Variants in DZIP1 observed in about 807,000 individuals in gnomAD.
DZIP1 encodes the protein cilium assembly protein DZIP1.
In DZIP1, 97 loss-of-function variants were observed where a neutral mutation model predicts 107.6. That is an observed-to-expected ratio of 0.90 (90% CI 0.77 to 1.07). The LOEUF is 1.07. Ranked by LOEUF, DZIP1 falls within the 50% of genes least tolerant of loss-of-function variation. DZIP1 has a pLI of 0.00. For missense variants in DZIP1, 1,035 were observed against 1,063.6 expected (o/e 0.97, Z 0.37); for synonymous variants, 390 against 386.4 (o/e 1.01, Z -0.11).
chr13:95,599,769 G>A (rs556197466), intron 14 of DZIP1, among the ~76,000 whole-genome samples: 55 of 152,184 alleles, frequency 3.6e-4, no homozygotes, highest in Non-Finnish European at 6.8e-4. Flanking sequence ...TTTCAATCAA[G>A]TGGCTAAACA....
At position 95,580,092 on chromosome 13, in the gene DZIP1, T is replaced by C. The variant is rs2043992724; in HGVS notation, c.*2142A>G. 6.6e-6 allele frequency: 1 copy of C among 152,044 alleles called. No individual in the cohort carries two copies. The highest frequency in any genetic ancestry group is 6.5e-5 in the Admixed American group (1 of 15,276). 9.4% of individuals were successfully genotyped at this position (152,044 alleles called of 1,614,324 possible). A position where few individuals can be genotyped will look rare whatever the true frequency, so the allele number is the denominator to read the frequency against. ...GGCTCACGCCTATAATCCCAGCACTTTGGGAGGACAAGACAGCGGATCATT... is the reference window on the plus strand; with the variant it reads ...GGCTCACGCCTATAATCCCAGCACTCTGGGAGGACAAGACAGCGGATCATT... On this transcript the variant is annotated 3_prime_UTR_variant, in exon 23 of 23. Transcript: ENST00000376829.
chr13:95,624,663 C>T (rs1208026804), intron 8 of DZIP1, 105 bp downstream of exon 8: 10 of 998,034 alleles, frequency 1.0e-5, no homozygotes, highest in Admixed American at 2.4e-5. Flanking sequence ...AATGTCTGCA[C>T]GAGGGTAACA....
intron 15 of DZIP1, among the ~76,000 whole-genome samples, chr13:95,598,526 TAATA>T (rs904108663): frequency 2.0e-5 from 3 of 152,164 alleles, no homozygotes; most frequent in African/African-American, 7.2e-5. Context: ...GGAAGAGTTA[TAATA>T]AATACTGAAT....
chr13:95,604,126 T>C (rs1408948764), intron 14 of DZIP1, among the ~76,000 whole-genome samples: 3 of 152,180 alleles, frequency 2.0e-5, no homozygotes. Flanking sequence ...CGCCCAACCC[T>C]GCTTCTCTCA....
At chr13:95,631,121 A>G (rs1221645426) in intron 6 of DZIP1, among the ~76,000 whole-genome samples, 8 of 152,166 alleles carry the variant, frequency 5.3e-5, no homozygotes, top group Admixed American at 5.2e-4. Context: ...GGTACTGAGT[A>G]TATAAGCCAA....
intron 19 of DZIP1, among the ~76,000 whole-genome samples, chr13:95,588,325 T>C (rs550819588): frequency 1.3e-5 from 2 of 152,366 alleles, no homozygotes; most frequent in East Asian, 3.9e-4. Context: ...TGAGATTACG[T>C]ATAAGAAAAG....
chr13:95,590,146 C>T (rs1313437456), intron 17 of DZIP1, 133 bp downstream of exon 17: 3 of 1,065,732 alleles, frequency 2.8e-6, no homozygotes, highest in Non-Finnish European at 4.0e-6. Context: ...AAAGAGTTGC[C>T]AGTGAAGTGG....
chr13:95,596,753 A>G (rs1207247596), intron 15 of DZIP1, among the ~76,000 whole-genome samples: 1 of 152,252 alleles, frequency 6.6e-6, no homozygotes, highest in Admixed American at 6.5e-5. Context: ...GCCTTTGCTC[A>G]AAAAGCAGGT....
At chr13:95,611,539 G>A (rs2045005760) in intron 11 of DZIP1, 46 bp from the exon 12 acceptor site, 2 of 1,416,110 alleles carry the variant, frequency 1.4e-6, no homozygotes, top group Admixed American at 1.7e-5. Context: ...AAATTAGATA[G>A]GGACACACAC....
chr13:95,622,556 A>T, intron 8 of DZIP1, 76 bp from the exon 9 acceptor site: 3 of 1,565,042 alleles, frequency 1.9e-6, no homozygotes, highest in Non-Finnish European at 2.6e-6. Context: ...ATCAGGGAGC[A>T]CATAGCTGTG....
chr13:95,633,043 AG>A (rs1566427568), intron 6 of DZIP1, among the ~76,000 whole-genome samples, 190 bp downstream of exon 6: 1 of 152,166 alleles, frequency 6.6e-6, no homozygotes, highest in South Asian at 2.1e-4. Context: ...TTCTCCGTTC[AG>A]CTTGTGGCTG....
At chr13:95,617,206 C>A (rs1285514861) in intron 10 of DZIP1, among the ~76,000 whole-genome samples, 2 of 146,712 alleles carry the variant, frequency 1.4e-5, no homozygotes, top group Middle Eastern at 3.4e-3. Flanking sequence ...TGTCTCACCC[C>A]AAAAAAAAAA....
At chr13:95,622,539 G>T in intron 8 of DZIP1, 59 bp from the exon 9 acceptor site, 1 of 1,598,330 alleles carries the variant, frequency 6.3e-7, no homozygotes, top group Non-Finnish European at 8.6e-7. Flanking sequence ...TGGAAACAGA[G>T]AATAAAATCA....
intron 5 of DZIP1, among the ~76,000 whole-genome samples, chr13:95,635,703 C>T (rs2139423587): frequency 6.6e-6 from 1 of 152,248 alleles, no homozygotes; most frequent in Non-Finnish European, 1.5e-5. Flanking sequence ...CTCTCCCCAC[C>T]CCACCCCAGA....
intron 12 of DZIP1, among the ~76,000 whole-genome samples, chr13:95,610,892 C>A (rs2044980193): frequency 6.6e-6 from 1 of 152,194 alleles, no homozygotes; most frequent in African/African-American, 2.4e-5. Flanking sequence ...TGATGCCTTG[C>A]ACCATAGGTT....
At chr13:95,618,518 T>C (rs1388197408) in intron 10 of DZIP1, among the ~76,000 whole-genome samples, 2 of 152,262 alleles carry the variant, frequency 1.3e-5, no homozygotes, top group East Asian at 3.8e-4. Flanking sequence ...TAAAGGTAGA[T>C]TAATATCTAA....
chr13:95,617,784 G>A (rs1875312462), intron 10 of DZIP1, among the ~76,000 whole-genome samples: 1 of 152,110 alleles, frequency 6.6e-6, no homozygotes, highest in Non-Finnish European at 1.5e-5. Context: ...GGAAGGGGAA[G>A]GCTGGAATTG....
rs1170377368 is a variant in DZIP1 at position 95,584,528 on chromosome 13, AG to A, written c.2524+207del. On this transcript the variant is annotated intron_variant, in intron 22 of 22. Transcript: ENST00000376829. The stretch of plus-strand genomic sequence containing the variant: ...ATTAAAAATTTAAAGACTAAAGATT[AG>A]TCCTATAATTAAATAAAAATAACAA... 9 of 961,100 alleles carry A rather than the reference AG, an allele frequency of 9.4e-6. No homozygotes were observed. In the African/African-American group the frequency reaches 1.5e-4, roughly 16 times the overall value. The allele number at this position is 961,100 out of a possible 1,614,324, so 59.5% of individuals were successfully genotyped here.
At chr13:95,628,107 A>C (rs2139336982) in intron 7 of DZIP1, among the ~76,000 whole-genome samples, 1 of 152,110 alleles carries the variant, frequency 6.6e-6, no homozygotes, top group Non-Finnish European at 1.5e-5. Context: ...CGGTGTGAAC[A>C]CAGCTCACTG....
Sources: allele counts gnomAD v4.1 joint callset (sites outside exome capture counted in the v4.1 genomes callset), GRCh38; gene constraint gnomAD v4.1.1; transcripts MANE v1.5; gene names NCBI Gene and HGNC (gene_info 2026-07-23, HGNC 2026-07-21).